METTL25: variants seen among roughly 807,000 people sequenced by gnomAD.
The protein encoded by METTL25 is methyltransferase like 25, also known as probable methyltransferase-like protein 25.
METTL25 carries 64 observed loss-of-function variants against 71.6 expected under a neutral mutation model. That is an observed-to-expected ratio of 0.89 (90% CI 0.73 to 1.10). The LOEUF is 1.10. METTL25 is among the 50% of genes least tolerant of loss of function. METTL25 has a pLI of 0.00. For synonymous variants in METTL25, 287 were observed against 250.3 expected (o/e 1.15, Z -1.38); for missense variants, 807 against 707.0 (o/e 1.14, Z -1.60).
chr12:82,461,499 C>A (rs976298887), intron 9 of METTL25, among the ~76,000 whole-genome samples: 2 of 152,100 alleles, frequency 1.3e-5, no homozygotes, highest in African/African-American at 2.4e-5. Flanking sequence ...CTGTCTAACT[C>A]TAGAACTCAT....
chr12:82,385,381 A>G (rs571294805), intron 1 of METTL25, among the ~76,000 whole-genome samples: 1 of 152,242 alleles, frequency 6.6e-6, no homozygotes, highest in East Asian at 1.9e-4. Flanking sequence ...AAGACTTCAT[A>G]GCCTATAGTA....
rs74105486 is a variant in METTL25 at position 82,396,037 on chromosome 12, T to C, written c.532-2758T>C. 4.0e-3 allele frequency among the ~76,000 whole-genome samples: 614 copies of C among 152,206 alleles called. 3 individuals carry two copies. The highest frequency in any genetic ancestry group is 0.014 in the African/African-American group (589 of 41,544). ...AAGATGGTAGTGCCATAACATATAA[T>C]ACTGTATTTTTATTGTACCTTTTAT... On this transcript the variant is annotated intron_variant, in intron 3 of 11. Transcript: ENST00000248306.
chr12:82,358,696 A>T lies in METTL25; in HGVS notation c.131A>T (p.Glu44Val). ...GCACATACCGTGGATTTCTACACAG[A>T]ATCCGTGTGGGAGGAGCTGGTCGAC... ...SNAHTVDFYTESVWEELVDLP... is the reference protein window; with the variant it reads ...SNAHTVDFYTVSVWEELVDLP... The change falls in exon 1 of 12, where the codon GAA (glutamate) becomes GTA (valine). Residue 44 changes from glutamate to valine, a missense_variant. By Grantham distance (121) the Glu-to-Val change is moderately radical (BLOSUM62 -2). Transcript: ENST00000248306. 1 of 1,614,198 alleles carries T rather than the reference A, an allele frequency of 6.2e-7. No individual in the cohort carries two copies. Among genetic ancestry groups the T allele is most frequent in the Non-Finnish European group, 8.5e-7 (1 of 1,180,050 alleles).
At position 82,358,915 on chromosome 12, in the gene METTL25, A is replaced by C. The variant is rs190357738; in HGVS notation, c.259+91A>C. ...CCCCCTGGTGGAAGCCAGCAGAACC[A>C]GGTGCGTGGCGGCGGAGGCGGGGCG... On this transcript the variant is annotated intron_variant, in intron 1 of 11. Coordinates refer to ENST00000248306, the MANE Select transcript of METTL25 (RefSeq NM_032230.3). The C allele has an allele frequency of 2.7e-4, 381 of 1,421,556 alleles. 1 individual carries two copies. The African/African-American group carries it at 5.3e-3, about 20-fold the overall frequency. The allele number at this position is 1,421,556 out of a possible 1,614,324, so 88.1% of individuals were successfully genotyped here.
intron 9 of METTL25, chr12:82,468,647 G>T (rs766680060): frequency 2.0e-5 from 3 of 152,142 alleles, no homozygotes. Context: ...AAATTGTCTG[G>T]ATTAGTAGAT....
At chr12:82,406,498 C>T (rs185941495) in intron 5 of METTL25, among the ~76,000 whole-genome samples, 2 of 152,054 alleles carry the variant, frequency 1.3e-5, no homozygotes, top group Non-Finnish European at 2.9e-5. Flanking sequence ...GCACAGAGAA[C>T]GTTGCTTTAG....
intron 11 of METTL25, 60 bp downstream of exon 11, chr12:82,477,412 C>A: frequency 3.7e-6 from 3 of 805,934 alleles, no homozygotes; most frequent in South Asian, 4.0e-5. Context: ...TAATATAGAG[C>A]CACTTATATC....
At chr12:82,372,955 C>T (rs1004863838) in intron 1 of METTL25, among the ~76,000 whole-genome samples, 2 of 152,202 alleles carry the variant, frequency 1.3e-5, no homozygotes. Context: ...AGCAGAAACA[C>T]TAGTTTTCCT....
intron 5 of METTL25, among the ~76,000 whole-genome samples, chr12:82,422,344 A>G (rs1419581848): frequency 3.3e-5 from 5 of 152,344 alleles, no homozygotes; most frequent in African/African-American, 9.6e-5. Flanking sequence ...ACAAAATTCA[A>G]CAGCCCTTCA....
chr12:82,422,268 G>A (rs1302936167), intron 5 of METTL25, among the ~76,000 whole-genome samples: 13 of 151,910 alleles, frequency 8.6e-5, no homozygotes, highest in East Asian at 1.9e-4. Flanking sequence ...AACGTAATCC[G>A]GCATATAAAC....
chr12:82,381,656 C>A (rs997639110), intron 1 of METTL25, among the ~76,000 whole-genome samples: 1 of 152,192 alleles, frequency 6.6e-6, no homozygotes, highest in Non-Finnish European at 1.5e-5. Flanking sequence ...CTTAACTCAT[C>A]CCATCTTTAA....
Position 82,399,118 on chromosome 12 carries a change from A to C in METTL25, c.855A>C (p.Val285=), listed in dbSNP as rs764923923. Residue 285 remains valine (V), a synonymous_variant, in exon 4 of 12, where the codon GTA becomes GTC. Transcript: ENST00000248306. The stretch of plus-strand genomic sequence containing the variant: ...TTTTGCCTGATTTTTCTGGCTCTGT[A>C]ATTTCTAATATCAGAAACCAAATGG... ...SAILPDFSGS[V]ISNIRNQMET... 2.5e-6 allele frequency: 4 copies of C among 1,613,798 alleles called. No homozygotes were observed. Among genetic ancestry groups the C allele is most frequent in the Non-Finnish European group, 3.4e-6 (4 of 1,179,844 alleles).
At chr12:82,391,447 T>A (rs1437982336) in intron 3 of METTL25, among the ~76,000 whole-genome samples, 1 of 152,076 alleles carries the variant, frequency 6.6e-6, no homozygotes, top group East Asian at 1.9e-4. Flanking sequence ...TTAATCACTT[T>A]CTAGCCAATG....
intron 5 of METTL25, among the ~76,000 whole-genome samples, chr12:82,415,113 C>T (rs780926911): frequency 7.2e-5 from 11 of 152,126 alleles, no homozygotes; most frequent in Non-Finnish European, 1.2e-4. Flanking sequence ...AATGTTTTCC[C>T]TCAGCACCTG....
intron 5 of METTL25, among the ~76,000 whole-genome samples, chr12:82,406,812 C>T (rs141167703): frequency 2.7e-4 from 41 of 152,166 alleles, no homozygotes; most frequent in South Asian, 6.2e-4. Flanking sequence ...GGTATATTCC[C>T]GTGTGGTGAT....
chr12:82,441,806 A>AACACACACAC (rs57098687), intron 8 of METTL25, among the ~76,000 whole-genome samples: 81,107 of 133,786 alleles, frequency 0.61, 25,085 homozygotes, highest in East Asian at 0.67. Flanking sequence ...AAAAAATAGA[A>AACACACACAC]ACACACACAC....
chr12:82,461,330 T>C (rs1891863975), intron 9 of METTL25, among the ~76,000 whole-genome samples: 1 of 152,220 alleles, frequency 6.6e-6, no homozygotes. Context: ...GGCACTGTGC[T>C]AAAAGCTTTG....
chr12:82,389,195 A>T (rs1030186859), intron 2 of METTL25, among the ~76,000 whole-genome samples: 2 of 152,044 alleles, frequency 1.3e-5, no homozygotes, highest in African/African-American at 2.4e-5. Context: ...GCAATGAGGG[A>T]AATGTTCTGT....
chr12:82,413,878 A>C (rs1419575125), intron 5 of METTL25, among the ~76,000 whole-genome samples: 3 of 151,784 alleles, frequency 2.0e-5, no homozygotes, highest in Non-Finnish European at 2.9e-5. Context: ...TGAAAATTAT[A>C]CTTTTACATT....
Sources: gnomAD v4.1 joint callset for allele counts (sites outside exome capture counted in the v4.1 genomes callset) on GRCh38, gnomAD v4.1.1 for gene constraint, MANE v1.5 for transcripts, NCBI Gene and HGNC (gene_info 2026-07-23, HGNC 2026-07-21) for gene names.